Variants in CTNNA2 observed in about 807,000 individuals in gnomAD.
CTNNA2 encodes catenin alpha-2.
CTNNA2 carries 42 observed loss-of-function variants against 101.0 expected under a neutral mutation model. The ratio of observed to expected loss-of-function variants is 0.42; its 90% CI spans 0.32 to 0.54. CTNNA2 has a LOEUF of 0.54. Ranked by LOEUF, CTNNA2 falls within the 20% of genes least tolerant of loss-of-function variation. CTNNA2 has a pLI of 0.14. For synonymous variants in CTNNA2, 450 were observed against 456.4 expected, an observed-to-expected ratio of 0.99 and a Z score of 0.18; for missense variants, 871 against 1,223.1, an observed-to-expected ratio of 0.71 and a Z score of 4.29.
intron 1 of CTNNA2, among the ~76,000 whole-genome samples, chr2:79,528,082 T>C (rs1488036031): frequency 2.0e-5 from 3 of 152,208 alleles, no homozygotes; most frequent in South Asian, 2.1e-4. Context: ...TATTGTTTGA[T>C]TGAATTTATA....
chr2:80,057,147 A>G (rs868230504), intron 7 of CTNNA2, among the ~76,000 whole-genome samples: 2 of 151,902 alleles, frequency 1.3e-5, no homozygotes, highest in African/African-American at 2.4e-5. Context: ...TTTAAAAGTA[A>G]ATCCATGGGA....
intron 2 of CTNNA2, among the ~76,000 whole-genome samples, chr2:79,302,886 T>A (rs1676146448): frequency 2.0e-5 from 3 of 152,204 alleles, no homozygotes; most frequent in Admixed American, 2.0e-4. Context: ...AATTTCAGCC[T>A]CACAACCACA....
chr2:80,320,571 T>C (rs1678582700), intron 7 of CTNNA2, among the ~76,000 whole-genome samples: 1 of 152,210 alleles, frequency 6.6e-6, no homozygotes, highest in African/African-American at 2.4e-5. Context: ...CTTTCATTTC[T>C]TGTTAAATAT....
intron 2 of CTNNA2, among the ~76,000 whole-genome samples, chr2:79,210,491 T>A (rs7580909): frequency 0.31 from 47,529 of 151,572 alleles, 8,672 homozygotes; most frequent in African/African-American, 0.5. Flanking sequence ...ACAGTGTGTG[T>A]GAGAGAGGTG....
At chr2:79,453,190 T>G (rs181606391) in intron 4 of CTNNA2, among the ~76,000 whole-genome samples, 1 of 152,236 alleles carries the variant, frequency 6.6e-6, no homozygotes, top group Admixed American at 6.5e-5. Flanking sequence ...ACAATTAATG[T>G]CTTATATAAA....
intron 9 of CTNNA2, among the ~76,000 whole-genome samples, chr2:80,533,139 C>T (rs967332144): frequency 6.6e-6 from 1 of 152,140 alleles, no homozygotes; most frequent in Non-Finnish European, 1.5e-5. Context: ...AGGTATCCTC[C>T]ATCCATATAA....
At chr2:80,031,904 A>T (rs976078222) in intron 7 of CTNNA2, among the ~76,000 whole-genome samples, 18 of 152,264 alleles carry the variant, frequency 1.2e-4, no homozygotes, top group African/African-American at 4.3e-4. Context: ...ACGATTCCAC[A>T]TGTAATTGTG....
chr2:80,279,085 T>TGTGTGTGTGTGTGA (rs1016525099), intron 7 of CTNNA2, among the ~76,000 whole-genome samples: 8 of 144,594 alleles, frequency 5.5e-5, no homozygotes, highest in Non-Finnish European at 9.2e-5. Context: ...TGTGTGTGTG[T>TGTGTGTGTGTGTGA]GAAACAGAGA....
At chr2:80,030,911 G>A (rs1170161894) in intron 7 of CTNNA2, among the ~76,000 whole-genome samples, 2 of 151,980 alleles carry the variant, frequency 1.3e-5, no homozygotes, top group African/African-American at 4.8e-5. Context: ...AATAATGGAG[G>A]AAATACAAGC....
chr2:80,281,003 C>T (rs752673674), intron 7 of CTNNA2, among the ~76,000 whole-genome samples: 17 of 152,048 alleles, frequency 1.1e-4, no homozygotes, highest in African/African-American at 3.4e-4. Flanking sequence ...TTTTCCCCCT[C>T]GGTTTATTTT....
intron 6 of CTNNA2, among the ~76,000 whole-genome samples, chr2:79,896,901 G>A (rs560588426): frequency 6.6e-6 from 1 of 152,176 alleles, no homozygotes; most frequent in African/African-American, 2.4e-5. Context: ...AAGCATACTG[G>A]GGTGGGGCAA....
At chr2:80,371,821 T>C (rs1394913873) in intron 7 of CTNNA2, among the ~76,000 whole-genome samples, 1 of 152,094 alleles carries the variant, frequency 6.6e-6, no homozygotes, top group East Asian at 1.9e-4. Flanking sequence ...ACTTATCTTG[T>C]AGATGATAGG....
chr2:80,192,808 C>T (rs1013050652), intron 7 of CTNNA2, among the ~76,000 whole-genome samples: 2 of 152,178 alleles, frequency 1.3e-5, no homozygotes, highest in South Asian at 2.1e-4. Flanking sequence ...CCACCGCACC[C>T]GTGCACTAAT....
intron 1 of CTNNA2, among the ~76,000 whole-genome samples, chr2:79,619,708 T>C (rs1326273028): frequency 1.3e-5 from 2 of 152,150 alleles, no homozygotes; most frequent in African/African-American, 2.4e-5. Flanking sequence ...ACCACTCCAC[T>C]CATATTAAAT....
chr2:80,042,240 CAGGCGTG>C (rs1470217437), intron 7 of CTNNA2, among the ~76,000 whole-genome samples: 1 of 152,202 alleles, frequency 6.6e-6, no homozygotes, highest in Non-Finnish European at 1.5e-5. Context: ...GCTGGGATTA[CAGGCGTG>C]AGCCACTGCG....
intron 2 of CTNNA2, among the ~76,000 whole-genome samples, chr2:79,244,877 C>A (rs1674679636): frequency 6.6e-6 from 1 of 152,070 alleles, no homozygotes; most frequent in Non-Finnish European, 1.5e-5. Context: ...GGTGGATCAC[C>A]TGAGGCCAAG....
chr2:80,643,475 A>AGCTAGTTT (rs1673710139), intron 18 of CTNNA2, among the ~76,000 whole-genome samples: 2 of 152,198 alleles, frequency 1.3e-5, no homozygotes, highest in African/African-American at 4.8e-5. Flanking sequence ...CCTTGTTTTT[A>AGCTAGTTT]AACTAGCTGA....
At chr2:80,188,144 A>C (rs1706252005) in intron 7 of CTNNA2, among the ~76,000 whole-genome samples, 1 of 152,202 alleles carries the variant, frequency 6.6e-6, no homozygotes, top group Non-Finnish European at 1.5e-5. Flanking sequence ...TCAAGGTTTT[A>C]TCTATGCTAA....
At chr2:79,826,877 C>A (rs2105404060) in intron 3 of CTNNA2, among the ~76,000 whole-genome samples, 1 of 152,260 alleles carries the variant, frequency 6.6e-6, no homozygotes, top group East Asian at 1.9e-4. Flanking sequence ...ATAATCGGAT[C>A]ACATCCGGAC....
Sources: allele counts gnomAD v4.1 joint callset (sites outside exome capture counted in the v4.1 genomes callset), GRCh38; gene constraint gnomAD v4.1.1; transcripts MANE v1.5; gene names NCBI Gene and HGNC (gene_info 2026-07-23, HGNC 2026-07-21).